Variants in MATN2 observed in about 807,000 individuals in gnomAD.
The protein encoded by MATN2 is matrilin-2.
Under a neutral mutation model 103.2 loss-of-function variants are expected in MATN2, and 69 were observed. The observed-to-expected ratio is 0.67, with a 90% CI of 0.55 to 0.82. The LOEUF (loss-of-function observed/expected upper bound fraction) is 0.82, where lower values mean the gene tolerates loss of function less well. Ranked by LOEUF, MATN2 falls within the 40% of genes least tolerant of loss-of-function variation. The pLI, the probability that MATN2 is intolerant of heterozygous loss-of-function variation, is 0.00. For synonymous variants in MATN2, 429 were observed against 450.2 expected (o/e 0.95, Z 0.60); for missense variants, 1,023 against 1,211.5 (o/e 0.84, Z 2.31).
At chr8:97,965,072 G>A (rs943124013) in intron 5 of MATN2, among the ~76,000 whole-genome samples, 1 of 152,092 alleles carries the variant, frequency 6.6e-6, no homozygotes, top group Non-Finnish European at 1.5e-5. Flanking sequence ...TTTCTTGATG[G>A]CACATCTTTT....
chr8:97,924,736 T>A lies in MATN2; in HGVS notation c.143-6217T>A, dbSNP rs117862345. On this transcript the variant is annotated intron_variant, in intron 2 of 18. Coordinates refer to ENST00000254898, the MANE Select transcript of MATN2 (RefSeq NM_002380.5). ...ATATTATTAAGTGTTTTTTTTTTTT[T>A]TTCAGCACTTGGCAGGAGGTAGGCA... Among the ~76,000 whole-genome samples, 6 of 151,866 alleles carry A rather than the reference T, an allele frequency of 4.0e-5. 1 individual carries two copies. The highest frequency in any genetic ancestry group is 2.6e-4 in the Admixed American group (4 of 15,248).
At chr8:97,890,066 A>G (rs373669410) in intron 2 of MATN2, among the ~76,000 whole-genome samples, 1 of 152,074 alleles carries the variant, frequency 6.6e-6, no homozygotes, top group East Asian at 1.9e-4. Flanking sequence ...ATGGGGCACA[A>G]CCTATCTTTC....
intron 13 of MATN2, 127 bp downstream of exon 13, chr8:98,021,454 C>A: frequency 9.5e-7 from 1 of 1,054,712 alleles, no homozygotes. Flanking sequence ...TGCACAAATA[C>A]AGAATGGGGA....
chr8:97,979,423 G>T (rs1385408837), intron 6 of MATN2, among the ~76,000 whole-genome samples: 1 of 152,176 alleles, frequency 6.6e-6, no homozygotes, highest in Non-Finnish European at 1.5e-5. Context: ...AATCATAAGT[G>T]ATTTCTTCTG....
In MATN2 at chr8:98,027,745, A is replaced by G. The variant is rs1813863022; in HGVS notation, c.2272A>G (p.Arg758Gly). The change falls in exon 14 of 19, where the codon AGG becomes GGG. Residue 758 changes from arginine to glycine, a missense_variant. By Grantham distance (125) the Arg-to-Gly change is moderately radical. Transcript: ENST00000254898. ...AGAAGGGGCCAGGCCCCTTTCCACA[A>G]GGGTGCCCAGAGCAGCCATTGTGTT... is the stretch of plus-strand genomic sequence containing the variant. Reference protein sequence around the residue: ...QGEGARPLSTRVPRAAIVFTD... With the variant: ...QGEGARPLSTGVPRAAIVFTD... 1 of 1,612,968 alleles carries G rather than the reference A, an allele frequency of 6.2e-7. No individual in the cohort carries two copies. Among genetic ancestry groups the G allele is most frequent in the East Asian group, 2.2e-5 (1 of 44,880 alleles).
At chr8:97,900,598 G>C (rs1818946251) in intron 2 of MATN2, among the ~76,000 whole-genome samples, 1 of 152,134 alleles carries the variant, frequency 6.6e-6, no homozygotes, top group African/African-American at 2.4e-5. Context: ...TGACACTGGG[G>C]CTCGCTTGTT....
chr8:97,998,852 CAT>C (rs1444098806), intron 7 of MATN2, among the ~76,000 whole-genome samples: 3 of 152,086 alleles, frequency 2.0e-5, no homozygotes, highest in Non-Finnish European at 4.4e-5. Context: ...ATATATATAA[CAT>C]AAAATGTACC....
chr8:97,968,416 G>C (rs1811552828), intron 5 of MATN2, among the ~76,000 whole-genome samples: 2 of 152,162 alleles, frequency 1.3e-5, no homozygotes, highest in Admixed American at 6.5e-5. Context: ...ACATGGCTAG[G>C]CTGCAAATTT....
At chr8:97,914,064 G>A (rs1411759194) in intron 2 of MATN2, among the ~76,000 whole-genome samples, 1 of 152,202 alleles carries the variant, frequency 6.6e-6, no homozygotes, top group Non-Finnish European at 1.5e-5. Context: ...AGATAACAGA[G>A]GGGCAGAAAC....
At chr8:97,979,278 G>A (rs867170711) in intron 6 of MATN2, among the ~76,000 whole-genome samples, 32 of 152,142 alleles carry the variant, frequency 2.1e-4, no homozygotes, top group African/African-American at 7.7e-4. Context: ...CTGACAATCC[G>A]AGCAACTTAC....
chr8:97,921,174 G>C (rs989975848), intron 2 of MATN2, among the ~76,000 whole-genome samples: 1 of 152,132 alleles, frequency 6.6e-6, no homozygotes, highest in Admixed American at 6.5e-5. Flanking sequence ...TCCCAGCATC[G>C]TATGCAGTGG....
Position 97,994,596 on chromosome 8 carries a change from T to C in MATN2, c.1198T>C (p.Cys400Arg). The change falls in exon 7 of 19, where the codon TGC becomes CGC. Residue 400 changes from cysteine to arginine, a missense_variant. Physicochemically the swap from Cys to Arg is radical, Grantham distance 180. Coordinates refer to ENST00000254898, the MANE Select transcript of MATN2 (RefSeq NM_002380.5). ...GFTLNPDKKT[C>R]RRINYCALNK... ...TACCCTGAATCCAGATAAGAAAACC[T>C]GCAGAAGTAAGTTACAGTGGGAGTT... 1 of 1,611,318 alleles carries C rather than the reference T, an allele frequency of 6.2e-7. No individual in the cohort carries two copies. Among genetic ancestry groups the C allele is most frequent in the Non-Finnish European group, 8.5e-7 (1 of 1,179,284 alleles).
In MATN2 at chr8:98,007,568, C is replaced by T; in HGVS notation, c.1540C>T (p.His514Tyr). ...RSFACQCPEGHVLRSDGKTCA... is the reference protein window; with the variant it reads ...RSFACQCPEGYVLRSDGKTCA... The stretch of plus-strand genomic sequence containing the variant: ...CTTTGCCTGTCAGTGTCCTGAGGGA[C>T]ACGTGCTCCGCAGCGATGGGAAGAC... The change falls in exon 10 of 19, where the codon CAC (histidine) becomes TAC (tyrosine). Residue 514 changes from histidine to tyrosine, a missense_variant. Transcript: ENST00000254898. This position sits in a 1 kb window ranked among gnomAD's most constrained non-coding sequence, Gnocchi z 4.2. 1.2e-6 allele frequency: 2 copies of T among 1,613,032 alleles called. No individual in the cohort carries two copies. The highest frequency in any genetic ancestry group is 1.7e-6 in the Non-Finnish European group (2 of 1,179,104).
chr8:97,932,295 G>A (rs906732609), intron 3 of MATN2, among the ~76,000 whole-genome samples: 6 of 152,118 alleles, frequency 3.9e-5, no homozygotes, highest in African/African-American at 1.4e-4. Context: ...ATCTCTCCTT[G>A]GATGGTGTGG....
chr8:98,018,260 A>ACT, intron 12 of MATN2, 144 bp downstream of exon 12: 1 of 1,102,700 alleles, frequency 9.1e-7, no homozygotes, highest in Non-Finnish European at 1.3e-6. Context: ...GTGTTTAGCT[A>ACT]GAGATCAGTT....
intron 2 of MATN2, among the ~76,000 whole-genome samples, chr8:97,919,558 A>C (rs540133523): frequency 3.3e-5 from 5 of 152,234 alleles, no homozygotes; most frequent in Middle Eastern, 3.4e-3. Context: ...GATGTTATCG[A>C]GCTGTCGAGT....
chr8:97,937,674 T>C (rs918544766), intron 3 of MATN2, among the ~76,000 whole-genome samples: 1 of 140,722 alleles, frequency 7.1e-6, no homozygotes, highest in Admixed American at 7.7e-5. Flanking sequence ...CTGCAACCTC[T>C]GCCTCCCGGT....
Position 98,035,788 on chromosome 8 carries a change from A to T in MATN2, c.*76A>T. 1.2e-6 allele frequency: 1 copy of T among 863,054 alleles called. No homozygotes were observed. Among genetic ancestry groups the T allele is most frequent in the East Asian group, 2.8e-5 (1 of 35,726 alleles). The allele number at this position is 863,054 out of a possible 1,614,324, so 53.5% of individuals were successfully genotyped here. Reference sequence around the variant, plus strand: ...AACGCAGTGCAGAGCCCCAAAGCTCAGGCTATTGTTAAATCAATAATGTTG... The same window carrying T: ...AACGCAGTGCAGAGCCCCAAAGCTCTGGCTATTGTTAAATCAATAATGTTG... On this transcript the variant is annotated 3_prime_UTR_variant, in exon 19 of 19. Coordinates refer to ENST00000254898, the MANE Select transcript of MATN2 (RefSeq NM_002380.5).
intron 3 of MATN2, among the ~76,000 whole-genome samples, chr8:97,936,194 G>A (rs896309156): frequency 6.6e-6 from 1 of 152,168 alleles, no homozygotes; most frequent in Admixed American, 6.5e-5. Flanking sequence ...CACCCAGTAA[G>A]AGAAAACATG....
Sources: allele counts gnomAD v4.1 joint callset (sites outside exome capture counted in the v4.1 genomes callset), GRCh38; gene constraint gnomAD v4.1.1; non-coding constraint Gnocchi (gnomAD v3.1); transcripts MANE v1.5; gene names NCBI Gene and HGNC (gene_info 2026-07-23, HGNC 2026-07-21).